OR7C1: variants seen among roughly 807,000 people sequenced by gnomAD.
OR7C1 encodes olfactory receptor family 7 subfamily C member 1, also known as olfactory receptor 7C1.
For synonymous variants in OR7C1, 152 were observed against 160.7 expected (o/e 0.95, Z 0.41); for missense variants, 324 against 383.3 (o/e 0.85, Z 1.29).
chr19:14,826,262 A>G lies in OR7C1; in HGVS notation c.-623+8812T>C, dbSNP rs146558357. On this transcript the variant is annotated intron_variant, in intron 1 of 4. Coordinates refer to ENST00000641666, the Ensembl canonical transcript of OR7C1. ...AAGGTTTTGTGTGAGTCATTCTTTAATCATGAGTATTTAAGAGAATTTAGA... is the reference window on the plus strand; with the variant it reads ...AAGGTTTTGTGTGAGTCATTCTTTAGTCATGAGTATTTAAGAGAATTTAGA... 9.2e-5 allele frequency: 14 copies of G among 152,314 alleles called. No individual in the cohort carries two copies. In the East Asian group the frequency reaches 1.9e-3, roughly 21 times the overall value. 9.4% of individuals were successfully genotyped at this position (152,314 alleles called of 1,614,324 possible).
chr19:14,819,045 C>T (rs2044729528), intron 1 of OR7C1, among the ~76,000 whole-genome samples: 1 of 151,878 alleles, frequency 6.6e-6, no homozygotes, highest in South Asian at 2.1e-4. Context: ...TCTCCCCCCT[C>T]CCCCTGCCCC....
intron 1 of OR7C1, among the ~76,000 whole-genome samples, chr19:14,828,836 C>A (rs886847822): frequency 2.7e-5 from 4 of 147,540 alleles, no homozygotes; most frequent in African/African-American, 7.6e-5. Flanking sequence ...TGAATGTTGA[C>A]CATGTTCTTG....
intron 2 of OR7C1, among the ~76,000 whole-genome samples, chr19:14,802,955 G>A (rs1015740598): frequency 6.6e-6 from 1 of 152,082 alleles, no homozygotes; most frequent in Non-Finnish European, 1.5e-5. Context: ...TGGCAGCAAA[G>A]TACACTGGAT....
chr19:14,805,765 T>A (rs2044663759), intron 2 of OR7C1, among the ~76,000 whole-genome samples: 5 of 151,920 alleles, frequency 3.3e-5, no homozygotes, highest in Admixed American at 3.3e-4. Context: ...CCAGCTTCAT[T>A]GGGTTTTCTT....
chr19:14,809,256 C>G (rs569629825), intron 2 of OR7C1, among the ~76,000 whole-genome samples: 1 of 152,034 alleles, frequency 6.6e-6, no homozygotes, highest in South Asian at 2.1e-4. Context: ...ACCTGCCCAA[C>G]TCCAAGTCAG....
intron 1 of OR7C1, among the ~76,000 whole-genome samples, chr19:14,821,936 C>T (rs1053561404): frequency 6.6e-6 from 1 of 152,180 alleles, no homozygotes; most frequent in Admixed American, 6.5e-5. Flanking sequence ...TTTTAAGATT[C>T]CCCATGTACG....
intron 1 of OR7C1, among the ~76,000 whole-genome samples, chr19:14,834,456 A>T (rs1371287526): frequency 6.6e-6 from 1 of 152,212 alleles, no homozygotes; most frequent in African/African-American, 2.4e-5. Flanking sequence ...GGCCTAAACA[A>T]CACACAAATA....
In OR7C1 at chr19:14,819,614, C is replaced by T. The variant is rs989061518; in HGVS notation, c.-622-9621G>A. The stretch of plus-strand genomic sequence containing the variant: ...ATTCCACGTTTCCAATTAATCAGAA[C>T]TACTTTTAAAAATAGTGGTTATCTT... On this transcript the variant is annotated intron_variant, in intron 1 of 4. Coordinates refer to ENST00000641666, the Ensembl canonical transcript of OR7C1. Among the ~76,000 whole-genome samples, 37 of 152,128 alleles carry T rather than the reference C, an allele frequency of 2.4e-4. 1 individual carries two copies. Among genetic ancestry groups the T allele is most frequent in the Admixed American group, 2.4e-3 (37 of 15,276 alleles).
chr19:14,827,100 T>G (rs2240557), intron 1 of OR7C1: 15,377 of 507,924 alleles, frequency 0.03, 640 homozygotes, highest in African/African-American at 0.14. Flanking sequence ...GAAAAAACTG[T>G]TGGATATCAG....
intron 2 of OR7C1, among the ~76,000 whole-genome samples, chr19:14,808,177 C>T (rs1374594063): frequency 6.6e-6 from 1 of 151,224 alleles, no homozygotes; most frequent in Non-Finnish European, 1.5e-5. Flanking sequence ...GGTGGGAACG[C>T]AAATTAATTC....
At chr19:14,808,111 A>C (rs7507712) in intron 2 of OR7C1, among the ~76,000 whole-genome samples, 4,166 of 151,242 alleles carry the variant, frequency 0.028, 89 homozygotes, top group Admixed American at 0.042. Flanking sequence ...AAAAAAAAAA[A>C]AACAACAACA....
intron 1 of OR7C1, chr19:14,828,284 A>G (rs765067170): frequency 1.9e-6 from 3 of 1,565,642 alleles, no homozygotes; most frequent in African/African-American, 2.7e-5. Context: ...AAAGAGGGAA[A>G]CGAGACAGGC....
intron 2 of OR7C1, among the ~76,000 whole-genome samples, chr19:14,804,965 G>C (rs1404963907): frequency 1.3e-5 from 2 of 151,608 alleles, no homozygotes; most frequent in Non-Finnish European, 2.9e-5. Context: ...TTGACCTCCT[G>C]GGCTCAAGCA....
chr19:14,830,811 T>C (rs900541018), intron 1 of OR7C1, among the ~76,000 whole-genome samples: 1 of 152,166 alleles, frequency 6.6e-6, no homozygotes, highest in African/African-American at 2.4e-5. Context: ...AAGTCTGCCT[T>C]TCTTCATGGT....
At chr19:14,819,005 C>T (rs566734926) in intron 1 of OR7C1, among the ~76,000 whole-genome samples, 1 of 151,946 alleles carries the variant, frequency 6.6e-6, no homozygotes, top group Non-Finnish European at 1.5e-5. Context: ...CGTGCTGCAC[C>T]TATTAACTCG....
exon 5 of OR7C1, chr19:14,799,475 A>G (rs1485421186): frequency 4.3e-6 from 7 of 1,614,092 alleles, no homozygotes; most frequent in Middle Eastern, 1.6e-4. Context: ...AGAGAAAACA[A>G]TTTTATAGTA....
chr19:14,799,670 G>A (rs763168949), exon 5 of OR7C1: 2 of 1,614,086 alleles, frequency 1.2e-6, no homozygotes, highest in Admixed American at 3.3e-5. Flanking sequence ...CTCGAGCAGG[G>A]AACCCATGAC....
intron 1 of OR7C1, among the ~76,000 whole-genome samples, chr19:14,813,280 C>T (rs184780427): frequency 1.3e-5 from 2 of 152,174 alleles, no homozygotes; most frequent in South Asian, 2.1e-4. Context: ...CCCTGCCAGG[C>T]GCAGTGGCTC....
intron 1 of OR7C1, among the ~76,000 whole-genome samples, chr19:14,830,767 A>G (rs2044823778): frequency 6.6e-6 from 1 of 152,242 alleles, no homozygotes; most frequent in South Asian, 2.1e-4. Context: ...TGGCTGAAGC[A>G]GGGAAAAACA....
Sources: gnomAD v4.1 joint callset for allele counts (sites outside exome capture counted in the v4.1 genomes callset) on GRCh38, gnomAD v4.1.1 for gene constraint, MANE v1.5 for transcripts, NCBI Gene and HGNC (gene_info 2026-07-23, HGNC 2026-07-21) for gene names.